Variants in TRDN observed in about 807,000 individuals in gnomAD.
TRDN encodes triadin in skeletal muscle.
In TRDN, 161 loss-of-function variants were observed where a neutral mutation model predicts 149.7. The observed-to-expected ratio is 1.08, with a 90% confidence interval of 0.95 to 1.23. The LOEUF (loss-of-function observed/expected upper bound fraction) is 1.23. TRDN is among the 50% of genes most tolerant of loss of function. The pLI, the probability that TRDN is intolerant of heterozygous loss-of-function variation, is 0.00. For synonymous variants in TRDN, 294 were observed against 250.5 expected, an observed-to-expected ratio of 1.17 and a Z score of -1.64; for missense variants, 896 against 823.5, an observed-to-expected ratio of 1.09 and a Z score of -1.08.
chr6:123,607,777 G>T (rs925919609), intron 1 of TRDN, among the ~76,000 whole-genome samples: 21 of 151,590 alleles, frequency 1.4e-4, no homozygotes, highest in African/African-American at 4.8e-4. Flanking sequence ...CTATTTCATG[G>T]CTTCACAGTC....
chr6:123,494,507 C>A (rs1337437800), intron 9 of TRDN, among the ~76,000 whole-genome samples: 1 of 152,034 alleles, frequency 6.6e-6, no homozygotes, highest in African/African-American at 2.4e-5. Context: ...TTCAGTGGGA[C>A]AGAAAACAGA....
At chr6:123,266,195 GTATTATA>G (rs1562237132) in intron 32 of TRDN, among the ~76,000 whole-genome samples, 1 of 78,388 alleles carries the variant, frequency 1.3e-5, no homozygotes, top group African/African-American at 5.3e-5. Context: ...ATTATAATAT[GTATTATA>G]TATTATATAT....
chr6:123,571,611 T>C (rs965322484), intron 1 of TRDN, among the ~76,000 whole-genome samples: 2 of 152,086 alleles, frequency 1.3e-5, no homozygotes, highest in African/African-American at 2.4e-5. Flanking sequence ...AGTCCACATG[T>C]TCATGAGAGA....
chr6:123,339,394 C>T (rs1317383989), intron 21 of TRDN, among the ~76,000 whole-genome samples: 2 of 151,990 alleles, frequency 1.3e-5, no homozygotes, highest in Non-Finnish European at 2.9e-5. Flanking sequence ...GATAATTTTC[C>T]CTCACCTGAG....
rs1175753665 is a variant in TRDN, at chr6:123,511,306, T to C, written c.610+997A>G. 2.6e-5 allele frequency among the ~76,000 whole-genome samples: 4 copies of C among 152,104 alleles called. No homozygotes were observed. The East Asian group carries it at 7.7e-4, about 29-fold the overall frequency. Reference sequence around the variant, plus strand: ...CTATAGTTAACAATAATTTATTGTATATTTTAAAATAACTAGAGAGTGAAT... The same window carrying C: ...CTATAGTTAACAATAATTTATTGTACATTTTAAAATAACTAGAGAGTGAAT... On this transcript the variant is annotated intron_variant, in intron 7 of 40. Coordinates refer to ENST00000334268, the MANE Select transcript of TRDN (RefSeq NM_006073.4).
intron 7 of TRDN, among the ~76,000 whole-genome samples, chr6:123,510,499 T>C (rs1050614115): frequency 6.6e-6 from 1 of 152,110 alleles, no homozygotes; most frequent in African/African-American, 2.4e-5. Flanking sequence ...ATAAATTTAA[T>C]ACAGAAAAAC....
At chr6:123,356,503 T>TTATATATATATATATATA (rs71021444) in intron 20 of TRDN, among the ~76,000 whole-genome samples, 2 of 106,990 alleles carry the variant, frequency 1.9e-5, no homozygotes, top group Admixed American at 9.5e-5. Context: ...TACAAGAAGT[T>TTATATATATATATATATA]TATATATATA....
intron 23 of TRDN, among the ~76,000 whole-genome samples, chr6:123,331,367 CTG>C (rs1240942171): frequency 2.0e-5 from 3 of 152,050 alleles, no homozygotes; most frequent in African/African-American, 4.8e-5. Context: ...CCACTACAAA[CTG>C]TAACTTTGAA....
chr6:123,625,754 T>TA (rs1785631088), intron 1 of TRDN, among the ~76,000 whole-genome samples: 1 of 152,074 alleles, frequency 6.6e-6, no homozygotes, highest in Non-Finnish European at 1.5e-5. Flanking sequence ...AGATTGAAAA[T>TA]AAAAAATACT....
At chr6:123,524,553 C>A (rs1418952294) in intron 5 of TRDN, among the ~76,000 whole-genome samples, 16 of 152,082 alleles carry the variant, frequency 1.1e-4, no homozygotes, top group Admixed American at 1.0e-3. Flanking sequence ...AATGATGGCA[C>A]TACATTGGCC....
intron 10 of TRDN, among the ~76,000 whole-genome samples, chr6:123,441,517 T>G (rs1041437702): frequency 1.6e-4 from 25 of 152,222 alleles, no homozygotes; most frequent in African/African-American, 5.8e-4. Flanking sequence ...ATGGCTGTAT[T>G]CTGGCAGGGA....
At chr6:123,501,908 A>G in intron 8 of TRDN, 4 of 981,346 alleles carry the variant, frequency 4.1e-6, no homozygotes, top group Non-Finnish European at 4.8e-6. Flanking sequence ...GAAAATAAAC[A>G]TTATTTTAAA....
At chr6:123,400,837 C>T (rs762921868) in intron 12 of TRDN, among the ~76,000 whole-genome samples, 11 of 152,138 alleles carry the variant, frequency 7.2e-5, no homozygotes, top group Non-Finnish European at 1.3e-4. Flanking sequence ...GAAACACACA[C>T]ACCACTTTTA....
chr6:123,432,155 T>C (rs1260816792), intron 12 of TRDN, among the ~76,000 whole-genome samples: 1 of 152,186 alleles, frequency 6.6e-6, no homozygotes, highest in Non-Finnish European at 1.5e-5. Context: ...TGGGGTATTG[T>C]AAATGAATGA....
chr6:123,351,730 TG>T, intron 21 of TRDN: 3 of 925,392 alleles, frequency 3.2e-6, no homozygotes, highest in Non-Finnish European at 3.9e-6. Context: ...ATCTCAAATT[TG>T]AAGGAGAAAT....
chr6:123,532,983 G>A (rs4142960), intron 4 of TRDN, among the ~76,000 whole-genome samples: 10 of 151,518 alleles, frequency 6.6e-5, no homozygotes, highest in Admixed American at 1.3e-4. Flanking sequence ...TTGCTCCCTC[G>A]TCTCCAAGCC....
chr6:123,525,472 A>T, intron 5 of TRDN, among the ~76,000 whole-genome samples: 1 of 152,126 alleles, frequency 6.6e-6, no homozygotes. Context: ...CAAATATTGC[A>T]TGTTCTCACT....
intron 1 of TRDN, among the ~76,000 whole-genome samples, chr6:123,635,462 T>C (rs1410723310): frequency 6.6e-6 from 1 of 151,886 alleles, no homozygotes; most frequent in African/African-American, 2.4e-5. Flanking sequence ...TAATAATGCC[T>C]ACTTAATTGA....
intron 8 of TRDN, 122 bp downstream of exon 8, chr6:123,503,597 A>G: frequency 6.7e-7 from 1 of 1,494,314 alleles, no homozygotes; most frequent in African/African-American, 1.4e-5. Flanking sequence ...TATTTACTTT[A>G]ATGTCTTTTA....
Sources: gnomAD v4.1 joint callset for allele counts (sites outside exome capture counted in the v4.1 genomes callset) on GRCh38, gnomAD v4.1.1 for gene constraint, MANE v1.5 for transcripts, NCBI Gene and HGNC (gene_info 2026-07-23, HGNC 2026-07-21) for gene names.